The following RBM46 variants were observed in gnomAD, a reference collection of about 807,000 sequenced individuals.
RBM46 encodes the protein probable RNA-binding protein 46.
A neutral mutation model predicts 43.3 loss-of-function variants in RBM46; 12 were observed. The ratio of observed to expected loss-of-function variants is 0.28; its 90% CI spans 0.18 to 0.45. The LOEUF is 0.45. Ranked by LOEUF, RBM46 falls within the 20% of genes least tolerant of loss-of-function variation. RBM46 has a pLI of 1.00. For synonymous variants in RBM46, 205 were observed against 207.6 expected (o/e 0.99, Z 0.11); for missense variants, 412 against 639.1 (o/e 0.64, Z 3.83).
chr4:154,820,313 G>A, intron 4 of RBM46: 1 of 1,209,360 alleles, frequency 8.3e-7, no homozygotes, highest in Non-Finnish European at 1.1e-6. Flanking sequence ...CCAAGATAGG[G>A]ATAACATCAA....
At chr4:154,798,423 A>G (rs1273839685) in intron 3 of RBM46, 145 bp downstream of exon 3, 3 of 608,422 alleles carry the variant, frequency 4.9e-6, no homozygotes, top group African/African-American at 3.8e-5. Flanking sequence ...AATAAATTAC[A>G]TGATTCTAAA....
chr4:154,797,837 G>A lies in RBM46; in HGVS notation c.178G>A (p.Gly60Ser). 1 of 1,553,012 alleles carries A rather than the reference G, an allele frequency of 6.4e-7. No homozygotes were observed. Among genetic ancestry groups the A allele is most frequent in the Non-Finnish European group, 8.7e-7 (1 of 1,154,162 alleles). Reference protein sequence around the residue: ...PGWEGPPPPRGCEVFVGKIPR... With the variant: ...PGWEGPPPPRSCEVFVGKIPR... Reference sequence around the variant, plus strand: ...TTGGGAAGGTCCACCTCCACCTAGAGGCTGTGAAGTTTTTGTAGGAAAAAT... The same window carrying A: ...TTGGGAAGGTCCACCTCCACCTAGAAGCTGTGAAGTTTTTGTAGGAAAAAT... The change falls in exon 3 of 5, where the codon GGC becomes AGC. Residue 60 changes from glycine (G) to serine (S), a missense_variant. Physicochemically the swap from Gly to Ser is moderately conservative, Grantham distance 56. Coordinates refer to ENST00000281722, the MANE Select transcript of RBM46 (RefSeq NM_144979.5).
intron 1 of RBM46, among the ~76,000 whole-genome samples, chr4:154,792,313 A>C (rs1257991161): frequency 1.3e-5 from 2 of 152,218 alleles, no homozygotes; most frequent in African/African-American, 4.8e-5. Flanking sequence ...TAATATGCTA[A>C]ATCATTAAAT....
At chr4:154,803,629 G>A (rs898374834) in intron 4 of RBM46, among the ~76,000 whole-genome samples, 1 of 150,094 alleles carries the variant, frequency 6.7e-6, no homozygotes, top group Non-Finnish European at 1.5e-5. Flanking sequence ...CGTGAACCCG[G>A]GGGGCGGAGC....
chr4:154,795,841 T>G (rs1734325024), intron 1 of RBM46, among the ~76,000 whole-genome samples: 1 of 152,070 alleles, frequency 6.6e-6, no homozygotes, highest in Non-Finnish European at 1.5e-5. Context: ...GCTGTAGGGA[T>G]GGACGGGAAT....
chr4:154,821,062 T>C (rs1231629121), intron 4 of RBM46, among the ~76,000 whole-genome samples: 1 of 151,784 alleles, frequency 6.6e-6, no homozygotes, highest in Non-Finnish European at 1.5e-5. Context: ...TAATAGTACT[T>C]ATAAGTCTGT....
intron 4 of RBM46, chr4:154,827,082 T>TAC (rs1279466558): frequency 6.8e-5 from 77 of 1,124,152 alleles, no homozygotes; most frequent in Non-Finnish European, 8.3e-5. Context: ...GTCTGTAATA[T>TAC]ACACACACAC....
At chr4:154,803,702 C>CAAAAAA (rs35506499) in intron 4 of RBM46, among the ~76,000 whole-genome samples, 2 of 41,322 alleles carry the variant, frequency 4.8e-5, no homozygotes, top group Non-Finnish European at 8.6e-5. Flanking sequence ...GACTACGTCT[C>CAAAAAA]AAAAAAAAAA....
intron 4 of RBM46, among the ~76,000 whole-genome samples, chr4:154,810,791 G>A (rs1489150113): frequency 6.6e-6 from 1 of 152,070 alleles, no homozygotes; most frequent in East Asian, 1.9e-4. Context: ...GAATATAATG[G>A]CCTTGCCATT....
chr4:154,819,962 C>T (rs1450932251), intron 4 of RBM46, among the ~76,000 whole-genome samples: 1 of 152,208 alleles, frequency 6.6e-6, no homozygotes, highest in East Asian at 1.9e-4. Context: ...AAAATAACTA[C>T]ACCTTATACA....
At chr4:154,819,624 G>A (rs1735632039) in intron 4 of RBM46, among the ~76,000 whole-genome samples, 1 of 152,114 alleles carries the variant, frequency 6.6e-6, no homozygotes, top group Admixed American at 6.6e-5. Context: ...AAAAACAGAA[G>A]ATATTGTGAT....
At chr4:154,796,320 A>G (rs972601772) in intron 1 of RBM46, among the ~76,000 whole-genome samples, 3 of 152,220 alleles carry the variant, frequency 2.0e-5, no homozygotes, top group Admixed American at 2.0e-4. Context: ...GGTTGAATGT[A>G]AGCCACAGGA....
At chr4:154,822,151 G>A (rs1291412264) in intron 4 of RBM46, among the ~76,000 whole-genome samples, 1 of 151,594 alleles carries the variant, frequency 6.6e-6, no homozygotes, top group African/African-American at 2.4e-5. Flanking sequence ...GTACAATTTG[G>A]TTCATTTTGA....
intron 2 of RBM46, among the ~76,000 whole-genome samples, chr4:154,797,109 A>C (rs1734393373): frequency 2.0e-5 from 3 of 152,100 alleles, no homozygotes; most frequent in Non-Finnish European, 2.9e-5. Context: ...TCATCTAAGA[A>C]GCAGTTGAGA....
intron 4 of RBM46, chr4:154,826,749 T>C: frequency 7.2e-7 from 1 of 1,390,252 alleles, no homozygotes; most frequent in Non-Finnish European, 9.7e-7. Flanking sequence ...CTTTTTTTTT[T>C]TTTTTTTTCC....
intron 4 of RBM46, chr4:154,827,422 A>G (rs1001556769): frequency 1.3e-5 from 13 of 994,894 alleles, no homozygotes; most frequent in Admixed American, 5.9e-5. Flanking sequence ...TTTGCAGTCC[A>G]GGGGTGAATG....
At chr4:154,809,115 CTCT>C (rs879477977) in intron 4 of RBM46, among the ~76,000 whole-genome samples, 36 of 152,032 alleles carry the variant, frequency 2.4e-4, no homozygotes, top group South Asian at 6.2e-4. Context: ...GTATGTGTGA[CTCT>C]TCTATTTCTC....
chr4:154,799,431 A>G lies in RBM46; in HGVS notation c.1269A>G (p.Lys423=), dbSNP rs371832877. ...YLYSTTSQDG[K]VLLVYKIVIP... ...ATTCAACAACAAGTCAAGATGGGAA[A>G]GTACTCTTGGTGTATAAGATAGTTA... is the stretch of plus-strand genomic sequence containing the variant. The change falls in exon 4 of 5, where the codon AAA becomes AAG. Residue 423 remains lysine, a synonymous_variant. Coordinates refer to ENST00000281722, the MANE Select transcript of RBM46 (RefSeq NM_144979.5). The G allele has an allele frequency of 1.2e-6, 2 of 1,614,010 alleles. No individual in the cohort carries two copies. Among genetic ancestry groups the G allele is most frequent in the African/African-American group, 1.3e-5 (1 of 74,930 alleles).
chr4:154,818,257 ATTTTC>A (rs1249421174), intron 4 of RBM46, among the ~76,000 whole-genome samples: 1 of 151,948 alleles, frequency 6.6e-6, no homozygotes, highest in Non-Finnish European at 1.5e-5. Context: ...ACTGATTCAT[ATTTTC>A]TTTTGTGTGG....
Sources: gnomAD v4.1 joint callset for allele counts (sites outside exome capture counted in the v4.1 genomes callset) on GRCh38, gnomAD v4.1.1 for gene constraint, MANE v1.5 for transcripts, NCBI Gene and HGNC (gene_info 2026-07-23, HGNC 2026-07-21) for gene names.